The following KLHL29 variants were observed in gnomAD, a reference collection of about 807,000 sequenced individuals.
The protein encoded by KLHL29 is kelch-like protein 29.
A neutral mutation model predicts 80.4 loss-of-function variants in KLHL29; 21 were observed. The ratio of observed to expected loss-of-function variants is 0.26; its 90% confidence interval spans 0.19 to 0.38. KLHL29 has a LOEUF of 0.38. Among genes scored for constraint, KLHL29 ranks in the 10% least tolerant of loss-of-function variants. KLHL29 has a pLI of 1.00. For synonymous variants in KLHL29, 511 were observed against 526.8 expected, an observed-to-expected ratio of 0.97 and a Z score of 0.41; for missense variants, 867 against 1,223.9, an observed-to-expected ratio of 0.71 and a Z score of 4.35.
Position 23,696,310 on chromosome 2 carries a change from T to C in KLHL29, c.1925-23T>C. 1 of 1,550,512 alleles carries C rather than the reference T, an allele frequency of 6.4e-7. No homozygotes were observed. The highest frequency in any genetic ancestry group is 1.4e-5 in the African/African-American group (1 of 73,104). ...GCCCCTCCTCACCCCGCCCGCTCTC[T>C]CTGCCTCCCACACTGCCTCCAGGTG... On this transcript the variant is annotated intron_variant, in intron 10 of 13. Coordinates refer to ENST00000486442, the MANE Select transcript of KLHL29 (RefSeq NM_052920.2). The surrounding 1 kb of genome is among the most constrained non-coding windows in gnomAD (Gnocchi z 5.5).
intron 1 of KLHL29, among the ~76,000 whole-genome samples, chr2:23,404,147 T>C (rs1666669046): frequency 6.6e-6 from 1 of 152,210 alleles, no homozygotes; most frequent in South Asian, 2.1e-4. Flanking sequence ...TTTTGCTTCC[T>C]GTGAAATGCT....
intron 4 of KLHL29, 96 bp downstream of exon 4, chr2:23,639,376 T>C: frequency 7.9e-7 from 1 of 1,268,822 alleles, no homozygotes; most frequent in Non-Finnish European, 1.1e-6. Flanking sequence ...CAGCAGGTCT[T>C]GAACCCAGGG....
At position 23,633,470 on chromosome 2, in the gene KLHL29, T is replaced by G. The variant is rs191451433; in HGVS notation, c.286-5669T>G. Among the ~76,000 whole-genome samples, 4 of 152,310 alleles carry G rather than the reference T, an allele frequency of 2.6e-5. No individual in the cohort carries two copies. The East Asian group carries it at 7.7e-4, about 29-fold the overall frequency. On this transcript the variant is annotated intron_variant, in intron 3 of 13. Coordinates refer to ENST00000486442, the MANE Select transcript of KLHL29 (RefSeq NM_052920.2). ...TACAAAATGGTAAGATACACAGTAGTCTGTGTATCCCTTTTTTTTTTACTT... is the reference window on the plus strand; with the variant it reads ...TACAAAATGGTAAGATACACAGTAGGCTGTGTATCCCTTTTTTTTTTACTT...
In KLHL29 at chr2:23,613,788, A is replaced by AAAAAAAAC. The variant is rs1553344242; in HGVS notation, c.286-25349_286-25348insAAAAACAA. 7.6e-4 allele frequency among the ~76,000 whole-genome samples: 112 copies of AAAAAAAAC among 147,340 alleles called. 3 individuals carry two copies. The highest frequency in any genetic ancestry group is 1.3e-3 in the Non-Finnish European group (83 of 66,270). On this transcript the variant is annotated intron_variant, in intron 3 of 13. Coordinates refer to ENST00000486442, the MANE Select transcript of KLHL29 (RefSeq NM_052920.2). Reference sequence around the variant, plus strand: ...CAAAAAAAAAAAAAAAAAAAAAAAAAAACCCACCACTCTCAGCTCACCAGG... The same window carrying AAAAAAAAC: ...CAAAAAAAAAAAAAAAAAAAAAAAAAAAAAAAACAACCCACCACTCTCAGCTCACCAGG...
At chr2:23,534,691 A>G (rs1215666288) in intron 2 of KLHL29, among the ~76,000 whole-genome samples, 2 of 152,022 alleles carry the variant, frequency 1.3e-5, no homozygotes, top group Non-Finnish European at 2.9e-5. Flanking sequence ...CATAGAGTGG[A>G]TGTGTTTTGA....
At chr2:23,515,994 A>G (rs977947621) in intron 2 of KLHL29, among the ~76,000 whole-genome samples, 1 of 152,200 alleles carries the variant, frequency 6.6e-6, no homozygotes, top group Non-Finnish European at 1.5e-5. Context: ...CAATTTTGTG[A>G]TTCTAAAGCT....
chr2:23,655,532 A>G (rs1395397694), intron 5 of KLHL29, among the ~76,000 whole-genome samples: 1 of 152,120 alleles, frequency 6.6e-6, no homozygotes, highest in Non-Finnish European at 1.5e-5. Flanking sequence ...AGCTCCACAG[A>G]TGTCATGCCT....
chr2:23,477,551 T>TG (rs1405819831), intron 2 of KLHL29, among the ~76,000 whole-genome samples: 2 of 152,174 alleles, frequency 1.3e-5, no homozygotes, highest in Non-Finnish European at 2.9e-5. Context: ...AGCAGCCCAG[T>TG]GGGGGCAGCC....
intron 2 of KLHL29, among the ~76,000 whole-genome samples, chr2:23,492,341 T>C (rs1391376594): frequency 6.6e-6 from 1 of 152,206 alleles, no homozygotes; most frequent in Non-Finnish European, 1.5e-5. Context: ...GAAATTAACC[T>C]GTGAGGGCCT....
chr2:23,697,518 G>C (rs1438835136), intron 11 of KLHL29: 1 of 152,358 alleles, frequency 6.6e-6, no homozygotes, highest in African/African-American at 2.4e-5. Flanking sequence ...TCTTCCCGTG[G>C]GACATCATGT....
At position 23,489,561 on chromosome 2, in the gene KLHL29, A is replaced by G. The variant is rs866253160; in HGVS notation, c.-46+13894A>G. Among the ~76,000 whole-genome samples the G allele has an allele frequency of 5.3e-5, 8 of 152,262 alleles. No homozygotes were observed. In the Middle Eastern group the frequency reaches 0.014, roughly 259 times the overall value. ...CTCCTGCCACGCTGAAGTCATTCTC[A>G]GAAACCTGCGCTATTGAATCTGTCC... is the stretch of plus-strand genomic sequence containing the variant. On this transcript the variant is annotated intron_variant, in intron 2 of 13. Coordinates refer to ENST00000486442, the MANE Select transcript of KLHL29 (RefSeq NM_052920.2).
chr2:23,581,193 CA>C (rs1322359390), intron 3 of KLHL29, among the ~76,000 whole-genome samples: 2 of 152,002 alleles, frequency 1.3e-5, no homozygotes, highest in Admixed American at 6.6e-5. Flanking sequence ...GGAAGTCAGA[CA>C]CCCCTTGCAC....
At chr2:23,406,126 C>T (rs1210767070) in intron 1 of KLHL29, among the ~76,000 whole-genome samples, 3 of 151,986 alleles carry the variant, frequency 2.0e-5, no homozygotes, top group Admixed American at 2.0e-4. Context: ...GTCAGAAGTT[C>T]GATACCAGCC....
intron 2 of KLHL29, among the ~76,000 whole-genome samples, chr2:23,561,945 G>T (rs1271054514): frequency 6.6e-6 from 1 of 152,114 alleles, no homozygotes; most frequent in South Asian, 2.1e-4. Context: ...ACTTACTTTG[G>T]CCACGTGATC....
At position 23,642,646 on chromosome 2, in the gene KLHL29, C is replaced by T. The variant is rs760525534; in HGVS notation, c.736C>T (p.Arg246Cys). 3.7e-5 allele frequency: 57 copies of T among 1,548,464 alleles called. No homozygotes were observed. The highest frequency in any genetic ancestry group is 2.0e-4 in the South Asian group (17 of 83,982). Residue 246 changes from arginine to cysteine, a missense_variant, in exon 5 of 14, where the codon CGC becomes TGC. Coordinates refer to ENST00000486442, the MANE Select transcript of KLHL29 (RefSeq NM_052920.2). The part of the protein sequence containing the change: ...STLPGVGQVA[R>C]PGPTAVGNGH... ...ACTGCCCGGTGTGGGGCAGGTGGCC[C>T]GCCCAGGACCCACCGCTGTGGGCAA...
At chr2:23,553,799 A>T (rs1444019999) in intron 2 of KLHL29, among the ~76,000 whole-genome samples, 3 of 152,158 alleles carry the variant, frequency 2.0e-5, no homozygotes, top group African/African-American at 7.2e-5. Context: ...CCTGCCCCGG[A>T]TGCCCAGCCC....
intron 1 of KLHL29, among the ~76,000 whole-genome samples, chr2:23,423,920 A>G (rs1039929921): frequency 4.6e-5 from 7 of 152,018 alleles, no homozygotes; most frequent in East Asian, 3.9e-4. Context: ...CACGGCTCCA[A>G]TCTCTCCCCG....
chr2:23,550,204 G>A (rs1358041049), intron 2 of KLHL29, among the ~76,000 whole-genome samples: 1 of 152,182 alleles, frequency 6.6e-6, no homozygotes, highest in Non-Finnish European at 1.5e-5. Context: ...AACTTGACAT[G>A]ATTTGATGAG....
At chr2:23,543,734 G>A (rs1194150864) in intron 2 of KLHL29, among the ~76,000 whole-genome samples, 2 of 152,226 alleles carry the variant, frequency 1.3e-5, no homozygotes, top group African/African-American at 2.4e-5. Context: ...CTCCTCGGGA[G>A]CAGTTGTGTT....
Sources: gnomAD v4.1 joint callset for allele counts (sites outside exome capture counted in the v4.1 genomes callset) on GRCh38, gnomAD v4.1.1 for gene constraint, Gnocchi (gnomAD v3.1) non-coding constraint, MANE v1.5 for transcripts, NCBI Gene and HGNC (gene_info 2026-07-23, HGNC 2026-07-21) for gene names.